The following LRRC4C variants were observed in gnomAD, a reference collection of about 807,000 sequenced individuals.
The protein encoded by LRRC4C is leucine rich repeat containing 4C, also known as leucine-rich repeat-containing protein 4C.
A neutral mutation model predicts 33.6 loss-of-function variants in LRRC4C; 5 were observed. The ratio of observed to expected loss-of-function variants is 0.15; its 90% CI spans 0.08 to 0.31. The LOEUF (loss-of-function observed/expected upper bound fraction) is 0.31. Among genes scored for constraint, LRRC4C ranks in the 10% least tolerant of loss-of-function variants. The pLI is 1.00. For synonymous variants in LRRC4C, 329 were observed against 302.0 expected (o/e 1.09, Z -0.93); for missense variants, 560 against 796.7 (o/e 0.70, Z 3.58).
intron 2 of LRRC4C, among the ~76,000 whole-genome samples, chr11:40,794,747 G>C (rs929767959): frequency 1.3e-5 from 2 of 152,110 alleles, no homozygotes; most frequent in African/African-American, 4.8e-5. Flanking sequence ...AATATGAGTA[G>C]GACTCATCAA....
rs562212962 is a variant in LRRC4C, at chr11:41,390,305, C to T, written c.-496+69126G>A. Among the ~76,000 whole-genome samples the T allele has an allele frequency of 2.0e-5, 3 of 151,994 alleles. No individual in the cohort carries two copies. In the East Asian group the frequency reaches 5.8e-4, roughly 30 times the overall value. ...AAATCATTTAGGAGAAACAATCAGT[C>T]TTCAGCTTTTGAATGGCTGGCTCAG... On this transcript the variant is annotated intron_variant, in intron 1 of 6. Transcript: ENST00000528697.
chr11:40,246,121 C>A (rs892759170), intron 4 of LRRC4C, among the ~76,000 whole-genome samples: 3 of 151,708 alleles, frequency 2.0e-5, no homozygotes, highest in Non-Finnish European at 4.4e-5. Flanking sequence ...CTACAGGTGT[C>A]CGCCACCACA....
chr11:40,181,087 G>A (rs191925221), intron 5 of LRRC4C, among the ~76,000 whole-genome samples: 24 of 152,228 alleles, frequency 1.6e-4, no homozygotes, highest in African/African-American at 5.1e-4. Context: ...TGGTCAGCCT[G>A]CAAAACATTC....
intron 3 of LRRC4C, among the ~76,000 whole-genome samples, chr11:40,532,868 G>T (rs775490660): frequency 6.6e-6 from 1 of 152,092 alleles, no homozygotes; most frequent in African/African-American, 2.4e-5. Context: ...GGCTGGAGAG[G>T]CCTCAAGAAA....
chr11:40,273,513 C>T (rs1002827220), intron 4 of LRRC4C, among the ~76,000 whole-genome samples: 1 of 152,014 alleles, frequency 6.6e-6, no homozygotes, highest in African/African-American at 2.4e-5. Context: ...TCTCTTAATC[C>T]AATTACTTTT....
intron 4 of LRRC4C, among the ~76,000 whole-genome samples, chr11:40,307,100 A>C (rs1189333442): frequency 6.6e-6 from 1 of 151,440 alleles, no homozygotes; most frequent in Non-Finnish European, 1.5e-5. Context: ...GATGTTTAGC[A>C]GCATTCCTAG....
chr11:41,220,464 G>A (rs898246495), intron 1 of LRRC4C, among the ~76,000 whole-genome samples: 3 of 143,792 alleles, frequency 2.1e-5, no homozygotes, highest in African/African-American at 7.7e-5. Flanking sequence ...ATCCAAAATA[G>A]TGGATAATCT....
At chr11:41,119,898 TA>T (rs1385798254) in intron 1 of LRRC4C, among the ~76,000 whole-genome samples, 4 of 152,086 alleles carry the variant, frequency 2.6e-5, no homozygotes, top group Non-Finnish European at 5.9e-5. Context: ...TTTTTGCTAT[TA>T]AAAAAATGAC....
At chr11:40,255,960 C>G (rs1054394958) in intron 4 of LRRC4C, among the ~76,000 whole-genome samples, 1 of 152,148 alleles carries the variant, frequency 6.6e-6, no homozygotes, top group Non-Finnish European at 1.5e-5. Flanking sequence ...GCTACAAAGG[C>G]TCTAAATCAG....
chr11:41,173,150 G>A (rs975587662), intron 1 of LRRC4C, among the ~76,000 whole-genome samples: 5 of 152,028 alleles, frequency 3.3e-5, no homozygotes, highest in African/African-American at 1.2e-4. Context: ...TGATCCAGTG[G>A]GGCCAATTAG....
At chr11:40,398,312 A>T (rs745760866) in intron 3 of LRRC4C, among the ~76,000 whole-genome samples, 6 of 152,082 alleles carry the variant, frequency 3.9e-5, no homozygotes, top group Admixed American at 6.6e-5. Context: ...CCTTATATTC[A>T]TAGTACATAT....
At chr11:41,447,932 G>GT (rs1177855752) in intron 1 of LRRC4C, among the ~76,000 whole-genome samples, 1 of 151,950 alleles carries the variant, frequency 6.6e-6, no homozygotes, top group Non-Finnish European at 1.5e-5. Flanking sequence ...TATATGGTAT[G>GT]TTTTTAACAT....
intron 1 of LRRC4C, among the ~76,000 whole-genome samples, chr11:40,976,732 G>GA (rs1050522030): frequency 2.6e-5 from 4 of 151,764 alleles, no homozygotes; most frequent in Non-Finnish European, 4.4e-5. Flanking sequence ...GATTCCAAAA[G>GA]AAAAAAACAA....
At chr11:41,205,440 G>T (rs1352075222) in intron 1 of LRRC4C, among the ~76,000 whole-genome samples, 1 of 152,186 alleles carries the variant, frequency 6.6e-6, no homozygotes, top group Non-Finnish European at 1.5e-5. Context: ...GAAGGTCATT[G>T]TACTGAACCA....
At chr11:41,167,750 T>TA (rs929410382) in intron 1 of LRRC4C, among the ~76,000 whole-genome samples, 1 of 152,022 alleles carries the variant, frequency 6.6e-6, no homozygotes, top group Admixed American at 6.6e-5. Flanking sequence ...TGACTGCCAA[T>TA]AAAAAAATCA....
intron 2 of LRRC4C, among the ~76,000 whole-genome samples, chr11:40,885,226 G>T (rs1459590007): frequency 6.6e-6 from 1 of 151,986 alleles, no homozygotes; most frequent in Non-Finnish European, 1.5e-5. Context: ...TAAATTAATT[G>T]TTAAATTTAA....
intron 4 of LRRC4C, among the ~76,000 whole-genome samples, chr11:40,291,459 G>A (rs1426149499): frequency 2.0e-5 from 3 of 152,146 alleles, no homozygotes; most frequent in African/African-American, 7.2e-5. Context: ...CAAAACCCAA[G>A]CCACTGCTCT....
chr11:41,377,870 G>A (rs1380256022), intron 1 of LRRC4C, among the ~76,000 whole-genome samples: 1 of 152,086 alleles, frequency 6.6e-6, no homozygotes, highest in African/African-American at 2.4e-5. Flanking sequence ...TTTTCTCATT[G>A]GAGAGCACCG....
At chr11:41,077,005 G>GA (rs1170639741) in intron 1 of LRRC4C, among the ~76,000 whole-genome samples, 1 of 152,196 alleles carries the variant, frequency 6.6e-6, no homozygotes, top group Non-Finnish European at 1.5e-5. Flanking sequence ...CATTAAATCT[G>GA]AAAATTCCAC....
Sources: gnomAD v4.1 joint callset for allele counts (sites outside exome capture counted in the v4.1 genomes callset) on GRCh38, gnomAD v4.1.1 for gene constraint, MANE v1.5 for transcripts, NCBI Gene and HGNC (gene_info 2026-07-23, HGNC 2026-07-21) for gene names.